Variants in TM9SF3 observed in about 807,000 individuals in gnomAD.
TM9SF3 encodes SM-11044-binding protein.
A neutral mutation model predicts 78.6 loss-of-function variants in TM9SF3; 14 were observed. The observed-to-expected ratio is 0.18, with a 90% CI of 0.12 to 0.28. TM9SF3 has a LOEUF of 0.28. TM9SF3 is among the 10% of genes least tolerant of loss of function. The probability of loss-of-function intolerance (pLI) is 1.00; values close to 1 mark genes in which losing one functional copy is unlikely to be tolerated. For missense variants in TM9SF3, 496 were observed against 721.9 expected (o/e 0.69, Z 3.59); for synonymous variants, 231 against 241.7 (o/e 0.96, Z 0.41).
chr10:96,563,790 C>G (rs1848337795), intron 3 of TM9SF3, among the ~76,000 whole-genome samples: 1 of 151,802 alleles, frequency 6.6e-6, no homozygotes, highest in African/African-American at 2.4e-5. Flanking sequence ...CGTTAAAAGA[C>G]TCTGAAACCT....
intron 2 of TM9SF3, among the ~76,000 whole-genome samples, chr10:96,570,547 T>C (rs2134156399): frequency 6.6e-6 from 1 of 152,310 alleles, no homozygotes; most frequent in African/African-American, 2.4e-5. Context: ...CAGATTCAAA[T>C]TATTTGGTCT....
At chr10:96,529,593 C>T (rs1478875372) in intron 11 of TM9SF3, among the ~76,000 whole-genome samples, 1 of 141,028 alleles carries the variant, frequency 7.1e-6, no homozygotes, top group Admixed American at 7.3e-5. Flanking sequence ...TTACCAATGT[C>T]AAAGGAAAAA....
At chr10:96,537,570 T>G (rs1174350290) in intron 9 of TM9SF3, among the ~76,000 whole-genome samples, 1 of 152,196 alleles carries the variant, frequency 6.6e-6, no homozygotes, top group Non-Finnish European at 1.5e-5. Flanking sequence ...TGGTGGCTCA[T>G]GCCTGTAATC....
chr10:96,544,027 T>C, intron 9 of TM9SF3, 49 bp downstream of exon 9: 1 of 1,573,850 alleles, frequency 6.4e-7, no homozygotes, highest in South Asian at 1.2e-5. Context: ...AGGTCTCAGT[T>C]AGAATGTGTA....
intron 2 of TM9SF3, 152 bp downstream of exon 2, chr10:96,576,482 G>A (rs962761930): frequency 1.3e-5 from 8 of 632,342 alleles, no homozygotes; most frequent in Admixed American, 1.3e-4. Flanking sequence ...CATCTGGGGG[G>A]TACAGGCCAG....
chr10:96,533,499 T>C (rs1409349164), intron 9 of TM9SF3, among the ~76,000 whole-genome samples: 12 of 152,228 alleles, frequency 7.9e-5, no homozygotes. Flanking sequence ...GCTTTTTTAA[T>C]ATATTTATCC....
chr10:96,540,420 G>A (rs146656006), intron 9 of TM9SF3, among the ~76,000 whole-genome samples: 29 of 152,184 alleles, frequency 1.9e-4, no homozygotes, highest in African/African-American at 7.0e-4. Context: ...TGATCTCTCG[G>A]TATCTCTAAA....
intron 2 of TM9SF3, among the ~76,000 whole-genome samples, chr10:96,571,615 A>C (rs1848437485): frequency 6.6e-6 from 1 of 152,220 alleles, no homozygotes; most frequent in African/African-American, 2.4e-5. Flanking sequence ...GAGAATCACT[A>C]AACTAAAAAT....
At chr10:96,534,875 C>G (rs541730248) in intron 9 of TM9SF3, among the ~76,000 whole-genome samples, 1 of 152,278 alleles carries the variant, frequency 6.6e-6, no homozygotes, top group African/African-American at 2.4e-5. Flanking sequence ...TAAAGTTTCT[C>G]CTGCTTATCT....
At chr10:96,577,300 A>G (rs1848507605) in intron 1 of TM9SF3, among the ~76,000 whole-genome samples, 1 of 152,072 alleles carries the variant, frequency 6.6e-6, no homozygotes, top group Non-Finnish European at 1.5e-5. Context: ...TCTCCTTGCG[A>G]GACTTTCACA....
intron 10 of TM9SF3, among the ~76,000 whole-genome samples, chr10:96,531,137 T>TG (rs767779205): frequency 1.6e-4 from 25 of 152,186 alleles, no homozygotes; most frequent in South Asian, 1.0e-3. Flanking sequence ...AAAATAAAAT[T>TG]GAAACTTCAT....
At chr10:96,527,927 C>A in intron 12 of TM9SF3, 104 bp downstream of exon 12, 2 of 1,165,320 alleles carry the variant, frequency 1.7e-6, no homozygotes, top group East Asian at 2.6e-5. Context: ...TTTTAAGTAA[C>A]AACATTTCTA....
At chr10:96,528,302 C>T in intron 11 of TM9SF3, 125 bp from the exon 12 acceptor site, 2 of 859,674 alleles carry the variant, frequency 2.3e-6, no homozygotes, top group East Asian at 2.8e-5. Flanking sequence ...CAAGTATCTT[C>T]CAACAGCTTC....
rs765289525 is a variant in TM9SF3 at position 96,562,023 on chromosome 10, T to C, written c.537A>G (p.Gly179=). 3 of 1,613,348 alleles carry C rather than the reference T, an allele frequency of 1.9e-6. No individual in the cohort carries two copies. The highest frequency in any genetic ancestry group is 1.7e-6 in the Non-Finnish European group (2 of 1,179,720). The stretch of plus-strand genomic sequence containing the variant: ...TAGTATTTGGAACCAGTTTCACCTT[T>C]CCTTCACTAGTTAGATTAACATCAA... ...RIVDVNLTSE[G]KVKLVPNTKI... The change falls in exon 4 of 15, where the codon GGA becomes GGG. Residue 179 remains glycine (G), a synonymous_variant. Transcript: ENST00000371142.
Position 96,576,616 on chromosome 10 carries a change from C to G in TM9SF3, c.298+18G>C. 1 of 1,563,616 alleles carries G rather than the reference C, an allele frequency of 6.4e-7. No homozygotes were observed. The highest frequency in any genetic ancestry group is 8.6e-7 in the Non-Finnish European group (1 of 1,159,878). The stretch of plus-strand genomic sequence containing the variant: ...TACAATCCAAATTGCATTGTAAGGA[C>G]TATTAAGGTTTACTTACCTTTAAAT... On this transcript the variant is annotated intron_variant, in intron 2 of 14. Coordinates refer to ENST00000371142, the MANE Select transcript of TM9SF3 (RefSeq NM_020123.4).
chr10:96,586,635 CACCACCGG>C (rs1426398210), intron 1 of TM9SF3, 91 bp downstream of exon 1: 22 of 1,024,642 alleles, frequency 2.1e-5, no homozygotes, highest in East Asian at 7.3e-5. Flanking sequence ...CGCAGTGGGG[CACCACCGG>C]GCCGCCGGGC....
intron 8 of TM9SF3, among the ~76,000 whole-genome samples, chr10:96,546,427 C>G (rs1365320003): frequency 6.6e-6 from 1 of 152,152 alleles, no homozygotes; most frequent in African/African-American, 2.4e-5. Context: ...AAATTTATGT[C>G]CAACTTTAAA....
At chr10:96,544,504 G>A (rs1160542903) in intron 8 of TM9SF3, among the ~76,000 whole-genome samples, 2 of 152,104 alleles carry the variant, frequency 1.3e-5, no homozygotes, top group Non-Finnish European at 2.9e-5. Flanking sequence ...AGTTGGCCTA[G>A]AAAGGGGTTT....
At chr10:96,546,775 C>T (rs142620590) in intron 8 of TM9SF3, among the ~76,000 whole-genome samples, 10 of 152,214 alleles carry the variant, frequency 6.6e-5, no homozygotes, top group East Asian at 5.8e-4. Flanking sequence ...TCCTACGCTC[C>T]GATTTCCTAT....
Sources: allele counts gnomAD v4.1 joint callset (sites outside exome capture counted in the v4.1 genomes callset), GRCh38; gene constraint gnomAD v4.1.1; transcripts MANE v1.5; gene names NCBI Gene and HGNC (gene_info 2026-07-23, HGNC 2026-07-21).